The following TMEM132C variants were observed in gnomAD, a reference collection of about 807,000 sequenced individuals.
The protein encoded by TMEM132C is transmembrane protein 132C.
TMEM132C carries 29 observed loss-of-function variants against 61.4 expected under a neutral mutation model. The observed-to-expected ratio is 0.47, with a 90% CI of 0.35 to 0.64. TMEM132C has a LOEUF of 0.64. TMEM132C is among the 30% of genes least tolerant of loss of function. The pLI is 0.00. For synonymous variants in TMEM132C, 656 were observed against 633.1 expected (o/e 1.04, Z -0.54); for missense variants, 1,408 against 1,476.9 (o/e 0.95, Z 0.76).
chr12:128,542,750 A>G (rs2136146852), intron 2 of TMEM132C, among the ~76,000 whole-genome samples: 1 of 150,760 alleles, frequency 6.6e-6, no homozygotes, highest in East Asian at 2.0e-4. Context: ...AGTCCCAGCT[A>G]CTCGGCAGGC....
intron 1 of TMEM132C, among the ~76,000 whole-genome samples, chr12:128,378,642 G>A (rs775836445): frequency 4.6e-5 from 7 of 152,260 alleles, no homozygotes; most frequent in Non-Finnish European, 7.4e-5. Flanking sequence ...ATAGTAATGC[G>A]TATTCCTCCA....
intron 1 of TMEM132C, among the ~76,000 whole-genome samples, chr12:128,402,327 G>A (rs1000246644): frequency 6.6e-6 from 1 of 151,976 alleles, no homozygotes; most frequent in Non-Finnish European, 1.5e-5. Context: ...TTGTTTTATA[G>A]ATTAGTTCAT....
At chr12:128,355,849 G>A (rs913467368) in intron 1 of TMEM132C, among the ~76,000 whole-genome samples, 9 of 152,028 alleles carry the variant, frequency 5.9e-5, no homozygotes, top group African/African-American at 1.9e-4. Context: ...TAAATGCCAC[G>A]TGCTTAGTGA....
intron 1 of TMEM132C, among the ~76,000 whole-genome samples, chr12:128,412,285 C>G (rs781277977): frequency 6.6e-5 from 10 of 152,142 alleles, no homozygotes; most frequent in Non-Finnish European, 1.5e-4. Context: ...AAGCAACACC[C>G]TCCATCTTTT....
At chr12:128,499,636 C>CACAAAAAAG (rs1445418572) in intron 2 of TMEM132C, among the ~76,000 whole-genome samples, 2 of 152,154 alleles carry the variant, frequency 1.3e-5, no homozygotes, top group African/African-American at 4.8e-5. Context: ...TGAGAACATG[C>CACAAAAAAG]AATATTTGTC....
intron 4 of TMEM132C, among the ~76,000 whole-genome samples, chr12:128,634,251 CCTT>C (rs1385311500): frequency 6.6e-6 from 1 of 152,186 alleles, no homozygotes; most frequent in Non-Finnish European, 1.5e-5. Context: ...TTTTTAAATT[CCTT>C]TTGTAGAGAC....
intron 1 of TMEM132C, among the ~76,000 whole-genome samples, chr12:128,317,654 G>A (rs1338503244): frequency 6.6e-6 from 1 of 152,196 alleles, no homozygotes; most frequent in Non-Finnish European, 1.5e-5. Flanking sequence ...GGAAGCCAAG[G>A]TGGGCGGATC....
intron 1 of TMEM132C, among the ~76,000 whole-genome samples, chr12:128,325,923 C>G (rs1003950823): frequency 4.6e-5 from 7 of 152,044 alleles, no homozygotes; most frequent in Admixed American, 3.9e-4. Context: ...GTGGTAGCTT[C>G]TTGCTCCTCG....
chr12:128,304,064 A>C (rs1871680332), intron 1 of TMEM132C, among the ~76,000 whole-genome samples: 1 of 152,086 alleles, frequency 6.6e-6, no homozygotes, highest in Admixed American at 6.6e-5. Context: ...TTTTAACCCA[A>C]CCAAGTTTGG....
intron 2 of TMEM132C, among the ~76,000 whole-genome samples, chr12:128,519,774 G>A (rs895437302): frequency 5.9e-5 from 9 of 152,342 alleles, no homozygotes; most frequent in African/African-American, 1.9e-4. Flanking sequence ...CTATTGACAA[G>A]GAAGAATGAG....
At chr12:128,426,960 A>G (rs1229301752) in intron 2 of TMEM132C, among the ~76,000 whole-genome samples, 1 of 152,168 alleles carries the variant, frequency 6.6e-6, no homozygotes, top group Non-Finnish European at 1.5e-5. Flanking sequence ...TAACACATGA[A>G]TTAGTGGACC....
intron 4 of TMEM132C, among the ~76,000 whole-genome samples, chr12:128,617,844 A>G (rs992147938): frequency 2.6e-5 from 4 of 152,234 alleles, no homozygotes; most frequent in Non-Finnish European, 5.9e-5. Flanking sequence ...ATCATCTACC[A>G]TAAAGATCTG....
intron 3 of TMEM132C, among the ~76,000 whole-genome samples, chr12:128,598,492 C>T (rs1876050615): frequency 6.6e-6 from 1 of 152,058 alleles, no homozygotes; most frequent in Non-Finnish European, 1.5e-5. Context: ...GCCCCCCTTC[C>T]ACCACCCAGC....
chr12:128,267,503 G>A lies in TMEM132C; in HGVS notation c.85+16G>A, dbSNP rs1208131780. 7 of 1,238,206 alleles carry A rather than the reference G, an allele frequency of 5.7e-6. No individual in the cohort carries two copies. Among genetic ancestry groups the A allele is most frequent in the Non-Finnish European group, 5.0e-6 (5 of 990,280 alleles). 76.7% of individuals were successfully genotyped at this position (1,238,206 alleles called of 1,614,324 possible). A position where few individuals can be genotyped will look rare whatever the true frequency, so the allele number is the denominator to read the frequency against. ...CTGGGCAAAGGTAAGGCCGGGGCGG[G>A]TGCCTGGCGCGCCGACGCATGCGAA... On this transcript the variant is annotated intron_variant, in intron 1 of 8. Transcript: ENST00000435159.
At chr12:128,524,255 G>T (rs772659190) in intron 2 of TMEM132C, among the ~76,000 whole-genome samples, 2 of 152,182 alleles carry the variant, frequency 1.3e-5, no homozygotes, top group Non-Finnish European at 2.9e-5. Context: ...GGAATGTGTA[G>T]CATACAATCC....
chr12:128,649,492 G>A (rs1488667333), intron 4 of TMEM132C, among the ~76,000 whole-genome samples: 1 of 152,200 alleles, frequency 6.6e-6, no homozygotes, highest in African/African-American at 2.4e-5. Flanking sequence ...CAACAGAAAT[G>A]CCTCTCACAC....
chr12:128,702,539 G>C (rs904899497), intron 8 of TMEM132C, among the ~76,000 whole-genome samples: 3 of 152,142 alleles, frequency 2.0e-5, no homozygotes, highest in African/African-American at 4.8e-5. Context: ...TCCCGGTGCA[G>C]CCTTGCCACC....
chr12:128,614,957 C>G (rs1876750676), intron 3 of TMEM132C, among the ~76,000 whole-genome samples: 1 of 152,272 alleles, frequency 6.6e-6, no homozygotes, highest in Middle Eastern at 3.4e-3. Context: ...GATGTGAGGG[C>G]CTGGATGCCA....
intron 4 of TMEM132C, among the ~76,000 whole-genome samples, chr12:128,655,204 C>T (rs563415395): frequency 3.3e-5 from 5 of 152,240 alleles, no homozygotes; most frequent in African/African-American, 1.2e-4. Flanking sequence ...CTTCGCAAGC[C>T]GGCGGTAACA....
Sources: gnomAD v4.1 joint callset for allele counts (sites outside exome capture counted in the v4.1 genomes callset) on GRCh38, gnomAD v4.1.1 for gene constraint, MANE v1.5 for transcripts, NCBI Gene and HGNC (gene_info 2026-07-23, HGNC 2026-07-21) for gene names.